Variants in GRIA1 observed in about 807,000 individuals in gnomAD.
GRIA1 encodes the protein glutamate ionotropic receptor AMPA type subunit 1, also known as glutamate receptor 1.
GRIA1 carries 31 observed loss-of-function variants against 99.2 expected under a neutral mutation model. The observed-to-expected ratio is 0.31, with a 90% CI of 0.23 to 0.42. GRIA1 has a LOEUF of 0.42. Ranked by LOEUF, GRIA1 falls within the 10% of genes least tolerant of loss-of-function variation. GRIA1 has a pLI of 1.00. For synonymous variants in GRIA1, 438 were observed against 432.4 expected, an observed-to-expected ratio of 1.01 and a Z score of -0.16; for missense variants, 782 against 1,157.5, an observed-to-expected ratio of 0.68 and a Z score of 4.71.
intron 2 of GRIA1, among the ~76,000 whole-genome samples, chr5:153,529,789 C>A (rs1344061169): frequency 2.0e-5 from 3 of 152,080 alleles, no homozygotes; most frequent in Non-Finnish European, 4.4e-5. Context: ...AACTCCCCAA[C>A]CTTTTGCTTT....
At chr5:153,644,204 T>A (rs1753972028) in intron 2 of GRIA1, among the ~76,000 whole-genome samples, 1 of 152,352 alleles carries the variant, frequency 6.6e-6, no homozygotes, top group African/African-American at 2.4e-5. Context: ...TGATGTATGC[T>A]TCCTGGTAGA....
At position 153,616,663 on chromosome 5, in the gene GRIA1, A is replaced by G. The variant is rs565884496; in HGVS notation, c.221-30265A>G. On this transcript the variant is annotated intron_variant, in intron 2 of 15. Transcript: ENST00000285900. ...TAGCATATAGTAAGTCATTTAATAA[A>G]TAAGTGTGGAACGAATGAATTTTAG... is the stretch of plus-strand genomic sequence containing the variant. Among the ~76,000 whole-genome samples the G allele has an allele frequency of 3.3e-5, 5 of 152,346 alleles. No individual in the cohort carries two copies. The East Asian group carries it at 5.8e-4, about 18-fold the overall frequency.
intron 11 of GRIA1, among the ~76,000 whole-genome samples, chr5:153,758,447 T>A (rs1051520156): frequency 3.3e-5 from 5 of 151,430 alleles, no homozygotes; most frequent in African/African-American, 9.7e-5. Context: ...AGGAAAAAAA[T>A]TATAACAAAA....
chr5:153,809,459 A>G (rs1766662324), intron 15 of GRIA1, among the ~76,000 whole-genome samples: 1 of 152,246 alleles, frequency 6.6e-6, no homozygotes, highest in African/African-American at 2.4e-5. Context: ...ATTTTAAAAC[A>G]TTGTCAGAAC....
intron 4 of GRIA1, among the ~76,000 whole-genome samples, chr5:153,652,108 T>C (rs1754618152): frequency 6.6e-6 from 1 of 152,178 alleles, no homozygotes. Context: ...CATTTGCCTA[T>C]TTTTGCTATT....
At position 153,813,154 on chromosome 5, in the gene GRIA1, A is replaced by G. The variant is rs1766939567; in HGVS notation, c.*1929A>G. The G allele has an allele frequency of 6.6e-6, 1 of 152,160 alleles. No individual in the cohort carries two copies. Among genetic ancestry groups the G allele is most frequent in the Non-Finnish European group, 1.5e-5 (1 of 68,028 alleles). The allele number at this position is 152,160 out of a possible 1,614,324, so 9.4% of individuals were successfully genotyped here. ...TTGTTGTTCAGTCTCTCGCGTGTCA[A>G]TGTGGTCATGGTTCATGAAACCGGA... On this transcript the variant is annotated 3_prime_UTR_variant, in exon 16 of 16. Transcript: ENST00000285900.
intron 2 of GRIA1, among the ~76,000 whole-genome samples, chr5:153,579,896 CAAAA>C (rs375002542): frequency 2.3e-4 from 33 of 145,392 alleles, no homozygotes; most frequent in Admixed American, 1.3e-3. Flanking sequence ...AACAAACAAA[CAAAA>C]AAAAAAAAAC....
chr5:153,588,462 T>C (rs551565611), intron 2 of GRIA1, among the ~76,000 whole-genome samples: 1 of 152,332 alleles, frequency 6.6e-6, no homozygotes, highest in African/African-American at 2.4e-5. Context: ...TAGCATCAAC[T>C]AAACTTTCAG....
intron 11 of GRIA1, among the ~76,000 whole-genome samples, chr5:153,727,893 A>C (rs965450315): frequency 7.4e-5 from 11 of 148,488 alleles, no homozygotes; most frequent in African/African-American, 2.5e-4. Flanking sequence ...TTTAAAGTTC[A>C]TATGGAACCA....
intron 13 of GRIA1, among the ~76,000 whole-genome samples, chr5:153,772,915 A>G (rs1763975190): frequency 6.6e-6 from 1 of 152,192 alleles, no homozygotes; most frequent in African/African-American, 2.4e-5. Context: ...AACAAAGCAC[A>G]GACACATAAC....
chr5:153,709,215 A>G (rs896683691), intron 11 of GRIA1, among the ~76,000 whole-genome samples: 3 of 152,214 alleles, frequency 2.0e-5, no homozygotes, highest in African/African-American at 4.8e-5. Flanking sequence ...GCACAGCACT[A>G]TGTTAGACAC....
At chr5:153,538,494 C>A (rs542296379) in intron 2 of GRIA1, among the ~76,000 whole-genome samples, 7 of 152,026 alleles carry the variant, frequency 4.6e-5, no homozygotes, top group African/African-American at 1.7e-4. Flanking sequence ...TGCCCTCATC[C>A]CACCTCCCAC....
chr5:153,670,213 C>T (rs1300575266), intron 5 of GRIA1, among the ~76,000 whole-genome samples: 1 of 152,130 alleles, frequency 6.6e-6, no homozygotes, highest in Non-Finnish European at 1.5e-5. Flanking sequence ...ATGTGAAATG[C>T]TACATAGGTG....
At chr5:153,609,064 C>A (rs916667154) in intron 2 of GRIA1, among the ~76,000 whole-genome samples, 1 of 152,152 alleles carries the variant, frequency 6.6e-6, no homozygotes, top group African/African-American at 2.4e-5. Flanking sequence ...TAACAAGCTT[C>A]CCCCACTGCA....
intron 2 of GRIA1, among the ~76,000 whole-genome samples, chr5:153,598,903 A>C (rs532280585): frequency 1.3e-5 from 2 of 152,128 alleles, no homozygotes; most frequent in East Asian, 3.9e-4. Flanking sequence ...TTTATTTGAG[A>C]CAGAATCTCT....
At chr5:153,790,791 C>T (rs1218505138) in intron 13 of GRIA1, among the ~76,000 whole-genome samples, 1 of 152,050 alleles carries the variant, frequency 6.6e-6, no homozygotes, top group Non-Finnish European at 1.5e-5. Context: ...TCCTCCCACA[C>T]CCACTTTATT....
chr5:153,778,103 A>G (rs1174402844), intron 13 of GRIA1, among the ~76,000 whole-genome samples: 2 of 151,970 alleles, frequency 1.3e-5, no homozygotes, highest in Non-Finnish European at 2.9e-5. Context: ...GAGAGATAGA[A>G]AAAAATGGGA....
intron 2 of GRIA1, among the ~76,000 whole-genome samples, chr5:153,583,145 C>A (rs1005806046): frequency 3.8e-4 from 57 of 150,904 alleles, no homozygotes; most frequent in African/African-American, 1.3e-3. Flanking sequence ...GTTGCCCAGA[C>A]TCATTTTGAA....
chr5:153,561,396 A>C (rs1348581313), intron 2 of GRIA1, among the ~76,000 whole-genome samples: 2 of 152,246 alleles, frequency 1.3e-5, no homozygotes, highest in South Asian at 2.1e-4. Context: ...GACAAGCCTG[A>C]CCCAACATAG....
Sources: allele counts gnomAD v4.1 joint callset (sites outside exome capture counted in the v4.1 genomes callset), GRCh38; gene constraint gnomAD v4.1.1; transcripts MANE v1.5; gene names NCBI Gene and HGNC (gene_info 2026-07-23, HGNC 2026-07-21).